MAST2: variants seen among roughly 807,000 people sequenced by gnomAD.
The protein encoded by MAST2 is microtubule associated serine/threonine kinase 2, also known as microtubule-associated serine/threonine-protein kinase 2.
MAST2 carries 70 observed loss-of-function variants against 147.4 expected under a neutral mutation model. The observed-to-expected ratio is 0.47, with a 90% CI of 0.39 to 0.58. The LOEUF is 0.58. Ranked by LOEUF, MAST2 falls within the 20% of genes least tolerant of loss-of-function variation. The probability of loss-of-function intolerance (pLI) is 0.00; values close to 1 mark genes in which losing one functional copy is unlikely to be tolerated. For missense variants in MAST2, 2,080 were observed against 2,302.3 expected, an observed-to-expected ratio of 0.90 and a Z score of 1.98; for synonymous variants, 869 against 896.8, an observed-to-expected ratio of 0.97 and a Z score of 0.55.
chr1:46,033,272 C>CA (rs59507952), intron 26 of MAST2, among the ~76,000 whole-genome samples: 4,369 of 94,998 alleles, frequency 0.046, 73 homozygotes, highest in East Asian at 0.1. Context: ...ACTCTGTTTC[C>CA]AAAAAAAAAA....
intron 2 of MAST2, among the ~76,000 whole-genome samples, chr1:45,827,256 T>G (rs1299981558): frequency 6.6e-6 from 1 of 152,238 alleles, no homozygotes; most frequent in Admixed American, 6.5e-5. Context: ...ATAAGAATAG[T>G]AATTAGAATT....
At chr1:45,947,226 A>G (rs1417792622) in intron 4 of MAST2, among the ~76,000 whole-genome samples, 2 of 151,464 alleles carry the variant, frequency 1.3e-5, no homozygotes, top group East Asian at 1.9e-4. Context: ...TTACAAGCCA[A>G]TCTTTTGGCT....
intron 3 of MAST2, among the ~76,000 whole-genome samples, chr1:45,850,448 G>T (rs1645588268): frequency 6.6e-6 from 1 of 152,094 alleles, no homozygotes; most frequent in Admixed American, 6.5e-5. Flanking sequence ...AGTCTAATTA[G>T]GTCCCACTTG....
intron 3 of MAST2, among the ~76,000 whole-genome samples, chr1:45,876,183 T>C (rs990586637): frequency 2.6e-5 from 4 of 152,218 alleles, no homozygotes; most frequent in Admixed American, 2.0e-4. Flanking sequence ...ACATTGGCAG[T>C]GTGCCAAGAA....
intron 4 of MAST2, among the ~76,000 whole-genome samples, chr1:45,905,549 C>T (rs933812349): frequency 1.3e-5 from 2 of 152,076 alleles, no homozygotes; most frequent in African/African-American, 2.4e-5. Flanking sequence ...GAGGCCAAGG[C>T]GCGGATCACG....
chr1:46,026,900 G>A (rs546351035), intron 16 of MAST2, among the ~76,000 whole-genome samples: 3 of 152,244 alleles, frequency 2.0e-5, no homozygotes, highest in Non-Finnish European at 2.9e-5. Flanking sequence ...TGACCCTCAC[G>A]TTCCTCCTTT....
intron 4 of MAST2, among the ~76,000 whole-genome samples, chr1:45,909,306 G>C (rs930879917): frequency 6.6e-6 from 1 of 151,898 alleles, no homozygotes; most frequent in African/African-American, 2.4e-5. Flanking sequence ...CTTTATCATA[G>C]GCAGTGACTG....
chr1:46,027,647 A>G, intron 16 of MAST2, 84 bp from the exon 17 acceptor site: 1 of 1,440,564 alleles, frequency 6.9e-7, no homozygotes. Flanking sequence ...TGGAAGCCTG[A>G]GTGGGGAAAC....
At chr1:45,946,969 T>C (rs892827954) in intron 4 of MAST2, among the ~76,000 whole-genome samples, 2 of 152,184 alleles carry the variant, frequency 1.3e-5, no homozygotes, top group African/African-American at 4.8e-5. Context: ...AAAATGCCCT[T>C]GATTTTCTGG....
rs1321837546 is a variant in MAST2 at position 46,023,716 on chromosome 1, G to A, written c.1572-56G>A. 5 of 1,539,620 alleles carry A rather than the reference G, an allele frequency of 3.2e-6. No homozygotes were observed. The highest frequency in any genetic ancestry group is 4.5e-6 in the Non-Finnish European group (5 of 1,123,592). On this transcript the variant is annotated intron_variant, in intron 14 of 28. Coordinates refer to ENST00000361297, the MANE Select transcript of MAST2 (RefSeq NM_015112.3). The surrounding 1 kb of genome is among the most constrained non-coding windows in gnomAD (Gnocchi z 4.9). ...GAGAGAAGGCAGTTTGGGTGGCAGA[G>A]AGCACAGCTCAGGTGCTGAGGGTCC...
At chr1:45,921,329 G>A (rs761257906) in intron 4 of MAST2, among the ~76,000 whole-genome samples, 2 of 152,042 alleles carry the variant, frequency 1.3e-5, no homozygotes, top group Non-Finnish European at 2.9e-5. Context: ...CTGTTGTTAC[G>A]GGATCCTGGG....
intron 5 of MAST2, among the ~76,000 whole-genome samples, chr1:45,982,321 A>G (rs1030787663): frequency 1.3e-5 from 2 of 152,142 alleles, no homozygotes; most frequent in South Asian, 4.1e-4. Context: ...GAAACATAGG[A>G]TTGTCTTGTT....
At chr1:46,005,458 T>C (rs912097893) in intron 7 of MAST2, among the ~76,000 whole-genome samples, 1 of 151,728 alleles carries the variant, frequency 6.6e-6, no homozygotes, top group Non-Finnish European at 1.5e-5. Flanking sequence ...TCTTGTCAGG[T>C]AATGGAGGGG....
At chr1:45,921,246 G>T (rs955821749) in intron 4 of MAST2, among the ~76,000 whole-genome samples, 1 of 152,100 alleles carries the variant, frequency 6.6e-6, no homozygotes, top group Non-Finnish European at 1.5e-5. Context: ...CACCCACCTC[G>T]GACTCCCAAA....
In MAST2 at chr1:46,002,791, T is replaced by C. The variant is rs371705853; in HGVS notation, c.669-14T>C. On this transcript the variant is annotated splice_polypyrimidine_tract_variant and intron_variant, in intron 6 of 28. Coordinates refer to ENST00000361297, the MANE Select transcript of MAST2 (RefSeq NM_015112.3). ...GTCCTGCAGAAACTGCCTAATACTT[T>C]TTCTTGCATACAGGACTGATGGGCG... 3.9e-5 allele frequency: 63 copies of C among 1,613,814 alleles called. No individual in the cohort carries two copies. The highest frequency in any genetic ancestry group is 5.0e-5 in the Non-Finnish European group (59 of 1,179,830).
Position 45,903,126 on chromosome 1 carries a change from C to CTT in MAST2, c.500+20751_500+20752dup, listed in dbSNP as rs34621764. Among the ~76,000 whole-genome samples the CTT allele has an allele frequency of 7.7e-3, 608 of 79,246 alleles. 67 individuals are homozygous for CTT. The highest frequency in any genetic ancestry group is 0.019 in the African/African-American group (346 of 18,186). 52.0% of individuals were successfully genotyped at this position (79,246 alleles called of 152,430 possible). A position where few individuals can be genotyped will look rare whatever the true frequency, so the allele number is the denominator to read the frequency against. On this transcript the variant is annotated intron_variant, in intron 4 of 28. Transcript: ENST00000361297. ...AGCATTTAGCACTATAAATTTTTGT[C>CTT]TTTTTTTTTTTTTTTTTTTTTGGAG...
intron 5 of MAST2, among the ~76,000 whole-genome samples, chr1:45,971,014 A>G (rs1218303969): frequency 6.6e-6 from 1 of 152,216 alleles, no homozygotes; most frequent in Non-Finnish European, 1.5e-5. Context: ...GGAGACAGAT[A>G]ACAGACAAGC....
At chr1:45,837,000 G>T (rs144823047) in intron 3 of MAST2, among the ~76,000 whole-genome samples, 3 of 152,098 alleles carry the variant, frequency 2.0e-5, no homozygotes, top group Admixed American at 6.6e-5. Context: ...CCTCGTATGC[G>T]CAGTTCACAA....
intron 1 of MAST2, among the ~76,000 whole-genome samples, chr1:45,812,082 A>G (rs928268980): frequency 1.3e-5 from 2 of 152,040 alleles, no homozygotes; most frequent in Admixed American, 6.6e-5. Flanking sequence ...GGAGCAGTAT[A>G]TTCTTATTTG....
Sources: gnomAD v4.1 joint callset for allele counts (sites outside exome capture counted in the v4.1 genomes callset) on GRCh38, gnomAD v4.1.1 for gene constraint, Gnocchi (gnomAD v3.1) non-coding constraint, MANE v1.5 for transcripts, NCBI Gene and HGNC (gene_info 2026-07-23, HGNC 2026-07-21) for gene names.